The following RPS6KC1 variants were observed in gnomAD, a reference collection of about 807,000 sequenced individuals.
RPS6KC1 encodes the protein ribosomal protein S6 kinase C1, also known as inactive ribosomal protein S6 kinase delta-1.
RPS6KC1 carries 54 observed loss-of-function variants against 103.8 expected under a neutral mutation model. That is an observed-to-expected ratio of 0.52 (90% CI 0.42 to 0.65). The LOEUF (loss-of-function observed/expected upper bound fraction) is 0.65. RPS6KC1 is among the 30% of genes least tolerant of loss of function. The pLI is 0.00. For synonymous variants in RPS6KC1, 439 were observed against 438.7 expected, an observed-to-expected ratio of 1.00 and a Z score of -0.01; for missense variants, 1,151 against 1,253.8, an observed-to-expected ratio of 0.92 and a Z score of 1.24.
At chr1:213,330,529 G>T in the RPS6KC1 span, among the ~76,000 whole-genome samples, 3 of 152,218 alleles carry the variant, frequency 2.0e-5, no homozygotes, top group African/African-American at 7.2e-5. Context: ...AATCGGGGTT[G>T]TGAAAGTCTC....
At chr1:213,589,876 T>A in the RPS6KC1 span, among the ~76,000 whole-genome samples, 3 of 151,330 alleles carry the variant, frequency 2.0e-5, no homozygotes, top group African/African-American at 7.3e-5. Flanking sequence ...GGCAGTAAGA[T>A]GGAATTCACA....
chr1:213,702,395 G>A, the RPS6KC1 span, among the ~76,000 whole-genome samples: 1 of 151,968 alleles, frequency 6.6e-6, no homozygotes, highest in Non-Finnish European at 1.5e-5. Flanking sequence ...TTCTGTAGCT[G>A]TTGGATGAAA....
At chr1:213,776,565 G>A in the RPS6KC1 span, among the ~76,000 whole-genome samples, 8 of 152,130 alleles carry the variant, frequency 5.3e-5, no homozygotes, top group South Asian at 2.1e-4. Flanking sequence ...TATTATCCAC[G>A]TTTTCACTGT....
At chr1:213,436,286 C>G in the RPS6KC1 span, among the ~76,000 whole-genome samples, 1 of 152,098 alleles carries the variant, frequency 6.6e-6, no homozygotes, top group East Asian at 1.9e-4. Context: ...TGTTCAATAG[C>G]TATATGTGGT....
chr1:213,378,005 G>A, the RPS6KC1 span, among the ~76,000 whole-genome samples: 2 of 152,222 alleles, frequency 1.3e-5, no homozygotes, highest in Admixed American at 6.5e-5. Context: ...AATAGCAGGA[G>A]CAAGGTTTAA....
rs150172557 is a variant in RPS6KC1, at chr1:213,254,741, T to C, written c.2912-6817T>C. On this transcript the variant is annotated intron_variant, in intron 12 of 14. Transcript: ENST00000366960. ...AATCCAGGATTCTTTGATATCACCA[T>C]CTCTTTTTGAGTTTTTGTGGGAATA... Among the ~76,000 whole-genome samples the C allele has an allele frequency of 3.3e-3, 495 of 152,306 alleles. 4 individuals carry two copies. The highest frequency in any genetic ancestry group is 0.014 in the South Asian group (66 of 4,818).
the RPS6KC1 span, among the ~76,000 whole-genome samples, chr1:213,859,587 T>G: frequency 1.3e-5 from 2 of 152,204 alleles, no homozygotes; most frequent in Admixed American, 6.5e-5. Flanking sequence ...TGATAAAGTT[T>G]TATTATTATG....
chr1:213,415,820 C>G, the RPS6KC1 span, among the ~76,000 whole-genome samples: 1 of 152,196 alleles, frequency 6.6e-6, no homozygotes, highest in Non-Finnish European at 1.5e-5. Context: ...TCTAAATGCT[C>G]ATGGTAATGG....
the RPS6KC1 span, among the ~76,000 whole-genome samples, chr1:213,720,202 G>C: frequency 0.53 from 81,113 of 152,112 alleles, 22,517 homozygotes; most frequent in African/African-American, 0.68. Flanking sequence ...TGTATGTGGT[G>C]AGAGACTACC....
chr1:213,412,234 A>T, the RPS6KC1 span, among the ~76,000 whole-genome samples: 1 of 152,224 alleles, frequency 6.6e-6, no homozygotes, highest in Non-Finnish European at 1.5e-5. Flanking sequence ...ATTAAGTTCC[A>T]TCTGAGGAAA....
At chr1:213,778,047 G>T in the RPS6KC1 span, among the ~76,000 whole-genome samples, 1 of 152,104 alleles carries the variant, frequency 6.6e-6, no homozygotes, top group African/African-American at 2.4e-5. Context: ...GGGTACTCAG[G>T]CAGTCTGAAC....
the RPS6KC1 span, among the ~76,000 whole-genome samples, chr1:213,594,668 T>C: frequency 1.3e-5 from 2 of 152,210 alleles, no homozygotes; most frequent in African/African-American, 2.4e-5. Context: ...ATATAGTACT[T>C]ACCATATGCT....
the RPS6KC1 span, among the ~76,000 whole-genome samples, chr1:213,369,559 C>T: frequency 1.8e-3 from 276 of 152,350 alleles, 1 homozygote; most frequent in Admixed American, 3.5e-3. Flanking sequence ...GGATGTGTTT[C>T]TCAGTGAAAC....
the RPS6KC1 span, among the ~76,000 whole-genome samples, chr1:213,408,172 C>T: frequency 1.3e-5 from 2 of 152,212 alleles, no homozygotes; most frequent in African/African-American, 4.8e-5. Flanking sequence ...CACAATCAGG[C>T]TGGGTGACTT....
chr1:213,600,358 G>T, the RPS6KC1 span, among the ~76,000 whole-genome samples: 2 of 152,190 alleles, frequency 1.3e-5, no homozygotes, highest in African/African-American at 2.4e-5. Context: ...GCTTGGAGGA[G>T]TCCCCTCTCT....
At chr1:213,788,344 C>T in the RPS6KC1 span, among the ~76,000 whole-genome samples, 1 of 152,146 alleles carries the variant, frequency 6.6e-6, no homozygotes, top group African/African-American at 2.4e-5. Context: ...ATTTATCAAG[C>T]AGGCATACAA....
the RPS6KC1 span, among the ~76,000 whole-genome samples, chr1:213,416,514 G>T: frequency 6.6e-6 from 1 of 152,200 alleles, no homozygotes; most frequent in African/African-American, 2.4e-5. Flanking sequence ...CGAGTGAAAG[G>T]GTAGCGTGAA....
chr1:213,519,972 T>G, the RPS6KC1 span, among the ~76,000 whole-genome samples: 1 of 152,212 alleles, frequency 6.6e-6, no homozygotes, highest in African/African-American at 2.4e-5. Flanking sequence ...ATTACAGTTT[T>G]GAGAGATCAC....
chr1:213,331,687 G>A, the RPS6KC1 span, among the ~76,000 whole-genome samples: 2 of 152,194 alleles, frequency 1.3e-5, no homozygotes, highest in African/African-American at 4.8e-5. Flanking sequence ...AGGGAAGTCG[G>A]TGGCATTGCT....
Sources: gnomAD v4.1 joint callset for allele counts (sites outside exome capture counted in the v4.1 genomes callset) on GRCh38, gnomAD v4.1.1 for gene constraint, MANE v1.5 for transcripts, NCBI Gene and HGNC (gene_info 2026-07-23, HGNC 2026-07-21) for gene names.